STK32A: variants seen among roughly 807,000 people sequenced by gnomAD.
STK32A encodes serine/threonine kinase 32A, also known as serine/threonine-protein kinase 32A.
A neutral mutation model predicts 53.2 loss-of-function variants in STK32A; 41 were observed. The observed-to-expected ratio is 0.77, with a 90% CI of 0.60 to 1.00. STK32A has a LOEUF of 1.00. Ranked by LOEUF, STK32A falls within the 50% of genes least tolerant of loss-of-function variation. STK32A has a pLI of 0.00. For missense variants in STK32A, 458 were observed against 485.8 expected (o/e 0.94, Z 0.54); for synonymous variants, 166 against 162.8 (o/e 1.02, Z -0.15).
intron 5 of STK32A, among the ~76,000 whole-genome samples, chr5:147,341,394 C>T (rs1755399863): frequency 6.6e-6 from 1 of 152,218 alleles, no homozygotes; most frequent in Admixed American, 6.5e-5. Flanking sequence ...TCTTCATTTA[C>T]TGACCATGAG....
chr5:147,376,814 T>A (rs1241132297), intron 11 of STK32A, among the ~76,000 whole-genome samples: 1 of 152,182 alleles, frequency 6.6e-6, no homozygotes, highest in Non-Finnish European at 1.5e-5. Flanking sequence ...GTCATTTCTG[T>A]TGTTGAATTA....
At chr5:147,401,608 T>C in the STK32A span, 1 of 1,614,070 alleles carries the variant, frequency 6.2e-7, no homozygotes, top group Non-Finnish European at 8.5e-7. Flanking sequence ...ATGTCACAAA[T>C]GCAGCCGCCT....
chr5:147,348,730 G>A, intron 6 of STK32A: 2 of 772,966 alleles, frequency 2.6e-6, no homozygotes, highest in South Asian at 2.8e-5. Flanking sequence ...CTGAATTGGA[G>A]TTTCAGGAGA....
intron 2 of STK32A, among the ~76,000 whole-genome samples, chr5:147,249,615 C>A (rs1753894214): frequency 1.3e-5 from 2 of 151,872 alleles, no homozygotes; most frequent in African/African-American, 4.8e-5. Context: ...GAAAAAAAAT[C>A]AAAAGTGGCC....
At chr5:147,363,806 C>T (rs909916512) in intron 8 of STK32A, among the ~76,000 whole-genome samples, 2 of 152,190 alleles carry the variant, frequency 1.3e-5, no homozygotes, top group Non-Finnish European at 2.9e-5. Context: ...TAGAAATCTT[C>T]AATTTCTGGT....
At chr5:147,369,669 C>T (rs2152002715) in intron 8 of STK32A, among the ~76,000 whole-genome samples, 1 of 152,246 alleles carries the variant, frequency 6.6e-6, no homozygotes, top group South Asian at 2.1e-4. Context: ...CCTTTCATTT[C>T]CCCCAATTTA....
At chr5:147,255,893 A>G (rs1038672846) in intron 2 of STK32A, among the ~76,000 whole-genome samples, 2 of 152,236 alleles carry the variant, frequency 1.3e-5, no homozygotes, top group Non-Finnish European at 2.9e-5. Context: ...TTGATCTGGT[A>G]TTCCTCATGG....
chr5:147,280,932 G>A (rs116290860), intron 4 of STK32A, among the ~76,000 whole-genome samples: 6,531 of 152,282 alleles, frequency 0.043, 201 homozygotes, highest in Middle Eastern at 0.11. Flanking sequence ...CCACAGCTGA[G>A]AGACTCATAG....
In STK32A at chr5:147,373,214, G is replaced by A. The variant is rs777091178; in HGVS notation, c.823G>A (p.Val275Ile). The change falls in exon 10 of 13, where the codon GTC becomes ATC. Residue 275 changes from valine to isoleucine, a missense_variant. Transcript: ENST00000397936. ...CCAACGATTTTCTCAGTTATCTGAT[G>A]TCCAGAACTTCCCGTATATGAATGA... ...PDQRFSQLSD[V>I]QNFPYMNDIN... is the part of the protein sequence containing the mutation. 5.0e-6 allele frequency: 8 copies of A among 1,613,228 alleles called. No homozygotes were observed. Among genetic ancestry groups the A allele is most frequent in the African/African-American group, 1.3e-5 (1 of 74,830 alleles).
intron 5 of STK32A, among the ~76,000 whole-genome samples, chr5:147,336,467 G>A (rs1230981690): frequency 6.6e-6 from 1 of 152,066 alleles, no homozygotes; most frequent in Non-Finnish European, 1.5e-5. Context: ...TGCTGTTCTG[G>A]TTGTTAAATA....
intron 1 of STK32A, among the ~76,000 whole-genome samples, chr5:147,236,704 T>C (rs140209045): frequency 1.8e-4 from 28 of 152,350 alleles, no homozygotes; most frequent in Admixed American, 3.3e-4. Flanking sequence ...TTGCATATTA[T>C]CTTCCCACTA....
At chr5:147,355,572 G>A (rs1408442809) in intron 7 of STK32A, among the ~76,000 whole-genome samples, 2 of 152,012 alleles carry the variant, frequency 1.3e-5, no homozygotes, top group Admixed American at 1.3e-4. Flanking sequence ...CAGCTACTCG[G>A]GAGGCTGAGG....
chr5:147,290,928 T>C (rs746735645), intron 4 of STK32A, among the ~76,000 whole-genome samples: 10 of 152,132 alleles, frequency 6.6e-5, no homozygotes, highest in Non-Finnish European at 1.2e-4. Flanking sequence ...AGTTCCTAAG[T>C]TATTTACCAA....
rs71274369 is a variant in STK32A, at chr5:147,372,269, C to CTTTTTTTTTTTTTTTT, written c.778-885_778-870dup. On this transcript the variant is annotated intron_variant, in intron 9 of 12. Transcript: ENST00000397936. ...GGGGCCCAAGAGGAATGGGCTTGGC[C>CTTTTTTTTTTTTTTTT]TTTTTTTTTTTTTTTTTTTTTTTTT... Among the ~76,000 whole-genome samples, 6 of 49,350 alleles carry CTTTTTTTTTTTTTTTT rather than the reference C, an allele frequency of 1.2e-4. 1 individual carries two copies. In the East Asian group the frequency reaches 2.7e-3, roughly 22 times the overall value. 32.4% of individuals were successfully genotyped at this position (49,350 alleles called of 152,430 possible).
At chr5:147,378,522 C>T (rs138027042) in intron 11 of STK32A, among the ~76,000 whole-genome samples, 3 of 152,178 alleles carry the variant, frequency 2.0e-5, no homozygotes, top group African/African-American at 4.8e-5. Flanking sequence ...GAACATACAC[C>T]ATATCAGTAT....
intron 2 of STK32A, among the ~76,000 whole-genome samples, chr5:147,275,124 C>T (rs62377689): frequency 0.014 from 2,183 of 152,210 alleles, 25 homozygotes; most frequent in Non-Finnish European, 0.022. Context: ...TTAGGCAAAT[C>T]CTGTATGTTT....
chr5:147,249,144 T>A (rs1011417656), intron 2 of STK32A, among the ~76,000 whole-genome samples: 5 of 146,712 alleles, frequency 3.4e-5, no homozygotes, highest in African/African-American at 1.2e-4. Flanking sequence ...CTATTAAAAT[T>A]TAATTTTAAG....
In STK32A at chr5:147,279,799, GA is replaced by G. The variant is rs563435869; in HGVS notation, c.260+402del. Among the ~76,000 whole-genome samples, 8 of 152,216 alleles carry G rather than the reference GA, an allele frequency of 5.3e-5. No homozygotes were observed. In the East Asian group the frequency reaches 1.6e-3, roughly 30 times the overall value. ...ACTGTCATGGTGCTGGTGGGTGTAT[GA>G]TTTAGTATGTTAATGAGTGTATGAT... is the stretch of plus-strand genomic sequence containing the variant. On this transcript the variant is annotated intron_variant, in intron 4 of 12. Coordinates refer to ENST00000397936, the MANE Select transcript of STK32A (RefSeq NM_001112724.2).
chr5:147,312,399 C>T (rs1011023834), intron 4 of STK32A, among the ~76,000 whole-genome samples: 2 of 152,114 alleles, frequency 1.3e-5, no homozygotes, highest in African/African-American at 2.4e-5. Context: ...CCACTGCCCC[C>T]GGCCTGAACA....
Sources: allele counts gnomAD v4.1 joint callset (sites outside exome capture counted in the v4.1 genomes callset), GRCh38; gene constraint gnomAD v4.1.1; transcripts MANE v1.5; gene names NCBI Gene and HGNC (gene_info 2026-07-23, HGNC 2026-07-21).